Variants in CAP2 observed in about 807,000 individuals in gnomAD.
CAP2 encodes adenylyl cyclase-associated protein 2.
In CAP2, 24 loss-of-function variants were observed where a neutral mutation model predicts 57.7. The ratio of observed to expected loss-of-function variants is 0.42; its 90% CI spans 0.30 to 0.58. CAP2 has a LOEUF of 0.58. Ranked by LOEUF, CAP2 falls within the 20% of genes least tolerant of loss-of-function variation. CAP2 has a pLI of 0.22. For synonymous variants in CAP2, 194 were observed against 207.2 expected (o/e 0.94, Z 0.55); for missense variants, 501 against 590.3 (o/e 0.85, Z 1.57).
At chr6:17,534,179 G>A (rs1762715522) in intron 7 of CAP2, among the ~76,000 whole-genome samples, 1 of 152,132 alleles carries the variant, frequency 6.6e-6, no homozygotes, top group African/African-American at 2.4e-5. Flanking sequence ...ATTCTACATT[G>A]TAGAAATAAA....
intron 3 of CAP2, among the ~76,000 whole-genome samples, chr6:17,445,188 C>T (rs1760223084): frequency 6.6e-6 from 1 of 152,202 alleles, no homozygotes; most frequent in Non-Finnish European, 1.5e-5. Flanking sequence ...CTCACTGCAA[C>T]CTCCACCTCC....
chr6:17,531,413 C>G, intron 7 of CAP2: 1 of 1,594,926 alleles, frequency 6.3e-7, no homozygotes, highest in African/African-American at 1.3e-5. Flanking sequence ...GCCAGCTTTT[C>G]TTGCCATCCT....
At chr6:17,453,091 C>T (rs1760457868) in intron 3 of CAP2, among the ~76,000 whole-genome samples, 1 of 152,196 alleles carries the variant, frequency 6.6e-6, no homozygotes, top group African/African-American at 2.4e-5. Context: ...CGTTCAAATC[C>T]TCACCATGTT....
chr6:17,433,239 A>G (rs1759789812), intron 3 of CAP2, among the ~76,000 whole-genome samples: 1 of 152,132 alleles, frequency 6.6e-6, no homozygotes. Context: ...AACAGAAGGA[A>G]CCATGTCAGA....
At chr6:17,451,428 G>A (rs1311113644) in intron 3 of CAP2, among the ~76,000 whole-genome samples, 1 of 152,024 alleles carries the variant, frequency 6.6e-6, no homozygotes, top group East Asian at 1.9e-4. Flanking sequence ...TTACTCACAT[G>A]CACTAATGAT....
At chr6:17,497,879 T>C (rs953375272) in intron 4 of CAP2, among the ~76,000 whole-genome samples, 2 of 152,238 alleles carry the variant, frequency 1.3e-5, no homozygotes, top group Non-Finnish European at 2.9e-5. Flanking sequence ...AAGGGTTTTC[T>C]TGTTTGTTTA....
intron 3 of CAP2, among the ~76,000 whole-genome samples, chr6:17,441,479 A>G (rs1321929489): frequency 1.3e-5 from 2 of 151,538 alleles, no homozygotes; most frequent in Non-Finnish European, 2.9e-5. Flanking sequence ...CCAAATGAAA[A>G]CAAAATTGTC....
chr6:17,534,788 T>C (rs9465045), intron 7 of CAP2, among the ~76,000 whole-genome samples: 8,369 of 152,276 alleles, frequency 0.055, 274 homozygotes, highest in Middle Eastern at 0.095. Flanking sequence ...ACCTCTGCCA[T>C]GAGAGTCTAA....
At chr6:17,402,073 T>A (rs1307265818) in intron 1 of CAP2, among the ~76,000 whole-genome samples, 1 of 152,234 alleles carries the variant, frequency 6.6e-6, no homozygotes, top group Non-Finnish European at 1.5e-5. Context: ...TGCAAAGGTT[T>A]GCCAAAGGTA....
At chr6:17,480,806 C>T (rs138805976) in intron 4 of CAP2, among the ~76,000 whole-genome samples, 1,878 of 131,278 alleles carry the variant, frequency 0.014, 47 homozygotes, top group African/African-American at 0.051. Flanking sequence ...ACAGAGTTTG[C>T]TCTTTTTGCC....
At chr6:17,539,579 A>AT in intron 8 of CAP2, 121 bp downstream of exon 8, 4 of 746,566 alleles carry the variant, frequency 5.4e-6, no homozygotes, top group Non-Finnish European at 6.4e-6. Context: ...GCATGCAGGG[A>AT]GAGGGGGAAC....
At chr6:17,531,548 T>TTGATC in intron 7 of CAP2, 1 of 1,542,858 alleles carries the variant, frequency 6.5e-7, no homozygotes, top group East Asian at 2.2e-5. Context: ...TCTCAGGTGC[T>TTGATC]TGATCTTCAG....
rs1762027208 is a variant in CAP2 at position 17,507,692 on chromosome 6, T to C, written c.496T>C (p.Tyr166His). 1 of 1,610,632 alleles carries C rather than the reference T, an allele frequency of 6.2e-7. No individual in the cohort carries two copies. Among genetic ancestry groups the C allele is most frequent in the African/African-American group, 1.3e-5 (1 of 74,942 alleles). ...VKEMNDAATF[Y>H]TNRVLKDYKH... ...GGAGATGAATGACGCTGCCACCTTT[T>C]ACACTAACAGGGTCTTAAAGGACTA... The change falls in exon 6 of 13, where the codon TAC (tyrosine) becomes CAC (histidine). Residue 166 changes from tyrosine (Y) to histidine (H), a missense_variant. By Grantham distance (83) the Tyr-to-His change is moderately conservative. Coordinates refer to ENST00000229922, the MANE Select transcript of CAP2 (RefSeq NM_006366.3).
At chr6:17,550,543 T>C (rs942436682) in intron 11 of CAP2, among the ~76,000 whole-genome samples, 9 of 151,680 alleles carry the variant, frequency 5.9e-5, no homozygotes, top group African/African-American at 2.2e-4. Context: ...GCACCATCAA[T>C]AAAAGTTGCT....
chr6:17,530,174 G>A (rs928792549), intron 7 of CAP2, among the ~76,000 whole-genome samples: 1 of 152,096 alleles, frequency 6.6e-6, no homozygotes, highest in African/African-American at 2.4e-5. Context: ...CCGGGATCAA[G>A]CAATCCTCCC....
chr6:17,520,949 C>T (rs948339327), intron 7 of CAP2, among the ~76,000 whole-genome samples: 4 of 152,348 alleles, frequency 2.6e-5, no homozygotes, highest in Admixed American at 1.3e-4. Context: ...TGACAAAGCT[C>T]ACTGTTCTCT....
At chr6:17,515,524 G>A (rs1476928003) in intron 7 of CAP2, among the ~76,000 whole-genome samples, 1 of 152,070 alleles carries the variant, frequency 6.6e-6, no homozygotes, top group Admixed American at 6.6e-5. Context: ...TACTACCTGG[G>A]TGACGGGATC....
rs148829573 is a variant in CAP2 at position 17,405,360 on chromosome 6, C to T, written c.-2+11614C>T. Among the ~76,000 whole-genome samples, 1,195 of 152,090 alleles carry T rather than the reference C, an allele frequency of 7.9e-3. 10 individuals carry two copies. The highest frequency in any genetic ancestry group is 0.011 in the Non-Finnish European group (765 of 67,962). ...TTGCACCACTGCATTCCAGCCTGGG[C>T]GACAGAGTGAGACCCCATCTCAAAA... is the stretch of plus-strand genomic sequence containing the variant. On this transcript the variant is annotated intron_variant, in intron 1 of 12. Coordinates refer to ENST00000229922, the MANE Select transcript of CAP2 (RefSeq NM_006366.3).
chr6:17,463,882 T>C (rs1411014631), intron 4 of CAP2, among the ~76,000 whole-genome samples: 1 of 152,230 alleles, frequency 6.6e-6, no homozygotes, highest in Non-Finnish European at 1.5e-5. Context: ...GCAACAATAT[T>C]ACCAATGTAG....
Sources: gnomAD v4.1 joint callset for allele counts (sites outside exome capture counted in the v4.1 genomes callset) on GRCh38, gnomAD v4.1.1 for gene constraint, MANE v1.5 for transcripts, NCBI Gene and HGNC (gene_info 2026-07-23, HGNC 2026-07-21) for gene names.